Variants in NAV2 observed in about 807,000 individuals in gnomAD.
The protein encoded by NAV2 is neuron navigator 2.
In NAV2, 54 loss-of-function variants were observed where a neutral mutation model predicts 223.2. The ratio of observed to expected loss-of-function variants is 0.24; its 90% CI spans 0.19 to 0.30. NAV2 has a LOEUF of 0.30. Ranked by LOEUF, NAV2 falls within the 10% of genes least tolerant of loss-of-function variation. NAV2 has a pLI of 1.00. For synonymous variants in NAV2, 1,279 were observed against 1,239.3 expected (o/e 1.03, Z -0.67); for missense variants, 2,806 against 3,147.5 (o/e 0.89, Z 2.60).
intron 29 of NAV2, 107 bp from the exon 30 acceptor site, chr11:20,095,565 C>A: frequency 1.3e-6 from 1 of 742,630 alleles, no homozygotes; most frequent in Non-Finnish European, 2.4e-6. Context: ...GACTTTTATT[C>A]CCCTCTCAAA....
At chr11:19,684,830 C>G (rs1249135625) in intron 1 of NAV2, among the ~76,000 whole-genome samples, 1 of 152,244 alleles carries the variant, frequency 6.6e-6, no homozygotes, top group African/African-American at 2.4e-5. Context: ...TTCAAGAGTG[C>G]TCACATCCCT....
intron 1 of NAV2, among the ~76,000 whole-genome samples, chr11:19,369,972 G>T (rs1848417415): frequency 6.6e-6 from 1 of 152,196 alleles, no homozygotes; most frequent in African/African-American, 2.4e-5. Context: ...GAGCTAAGAA[G>T]TTTTCCTCTT....
At chr11:19,748,848 A>T (rs922230261) in intron 1 of NAV2, among the ~76,000 whole-genome samples, 2 of 152,260 alleles carry the variant, frequency 1.3e-5, no homozygotes, top group African/African-American at 4.8e-5. Flanking sequence ...TCCAAAACAG[A>T]TGATGCTGCT....
At chr11:19,633,498 C>T (rs905213742) in intron 1 of NAV2, among the ~76,000 whole-genome samples, 2 of 152,252 alleles carry the variant, frequency 1.3e-5, no homozygotes, top group African/African-American at 4.8e-5. Flanking sequence ...TGTGTTGGCT[C>T]CAGCCTGGCT....
chr11:19,868,735 T>C (rs1334952879), intron 3 of NAV2, among the ~76,000 whole-genome samples, 190 bp from the exon 4 acceptor site: 1 of 152,162 alleles, frequency 6.6e-6, no homozygotes, highest in Non-Finnish European at 1.5e-5. Flanking sequence ...ACCTCAACTT[T>C]TGGCACTATG....
chr11:20,078,213 T>A, intron 24 of NAV2, 109 bp downstream of exon 24: 1 of 807,576 alleles, frequency 1.2e-6, no homozygotes, highest in Non-Finnish European at 2.0e-6. Context: ...TCTGCGTAAT[T>A]CAGCTCCATG....
At chr11:20,084,528 G>T (rs1245009368) in intron 26 of NAV2, among the ~76,000 whole-genome samples, 1 of 152,178 alleles carries the variant, frequency 6.6e-6, no homozygotes, top group African/African-American at 2.4e-5. Context: ...CCACAGGGGT[G>T]TGTACTTCCT....
At chr11:19,724,175 C>T (rs1435347576) in intron 1 of NAV2, among the ~76,000 whole-genome samples, 1 of 152,146 alleles carries the variant, frequency 6.6e-6, no homozygotes, top group Non-Finnish European at 1.5e-5. Flanking sequence ...TGACTTGCCT[C>T]CAGTCACCCA....
At chr11:19,669,839 T>G (rs971580622) in intron 1 of NAV2, among the ~76,000 whole-genome samples, 4 of 152,214 alleles carry the variant, frequency 2.6e-5, no homozygotes, top group Non-Finnish European at 5.9e-5. Context: ...CATGGTGAGA[T>G]GGGGCTCCTT....
chr11:19,373,569 C>T (rs11605845), intron 1 of NAV2, among the ~76,000 whole-genome samples: 34,467 of 152,132 alleles, frequency 0.23, 4,676 homozygotes, highest in East Asian at 0.45. Context: ...ATCATCCAAA[C>T]TAGTCCCTCC....
intron 1 of NAV2, among the ~76,000 whole-genome samples, chr11:19,580,343 T>C (rs567262598): frequency 6.6e-6 from 1 of 152,212 alleles, no homozygotes; most frequent in African/African-American, 2.4e-5. Context: ...TCTTTTTTTT[T>C]TAATTTATGA....
intron 1 of NAV2, among the ~76,000 whole-genome samples, chr11:19,696,901 C>T (rs1030912702): frequency 1.3e-5 from 2 of 152,158 alleles, no homozygotes; most frequent in African/African-American, 4.8e-5. Context: ...TATGATTTTC[C>T]TCTTTAATCC....
intron 10 of NAV2, among the ~76,000 whole-genome samples, chr11:19,982,357 T>TC (rs1808202782): frequency 6.6e-6 from 1 of 152,036 alleles, no homozygotes; most frequent in African/African-American, 2.4e-5. Flanking sequence ...AACCTCCACC[T>TC]CCCGGGTTCA....
chr11:19,738,876 G>A (rs2052558472), intron 1 of NAV2, among the ~76,000 whole-genome samples: 1 of 152,184 alleles, frequency 6.6e-6, no homozygotes, highest in Non-Finnish European at 1.5e-5. Flanking sequence ...ATTAGCTTCT[G>A]TCCCCTGGTT....
At chr11:20,012,817 G>C (rs925270240) in intron 11 of NAV2, among the ~76,000 whole-genome samples, 3 of 152,086 alleles carry the variant, frequency 2.0e-5, no homozygotes, top group Non-Finnish European at 4.4e-5. Flanking sequence ...CAGTCTCAAG[G>C]CAAAAATCCA....
chr11:19,391,693 C>A (rs999502353), intron 1 of NAV2, among the ~76,000 whole-genome samples: 4 of 150,716 alleles, frequency 2.7e-5, no homozygotes, highest in Non-Finnish European at 5.9e-5. Context: ...GGGGGAGGGG[C>A]AGGAACTGGG....
At chr11:19,995,812 T>C (rs556860793) in intron 11 of NAV2, among the ~76,000 whole-genome samples, 1 of 152,248 alleles carries the variant, frequency 6.6e-6, no homozygotes, top group African/African-American at 2.4e-5. Flanking sequence ...AAATTCCAAG[T>C]AACTGAATTG....
At chr11:19,676,409 TA>T (rs2135846939) in intron 1 of NAV2, among the ~76,000 whole-genome samples, 1 of 152,280 alleles carries the variant, frequency 6.6e-6, no homozygotes, top group East Asian at 1.9e-4. Context: ...TCACTTTGAG[TA>T]TTTACAACCT....
At chr11:20,113,221 G>A (rs1302286265) in intron 36 of NAV2, among the ~76,000 whole-genome samples, 1 of 152,172 alleles carries the variant, frequency 6.6e-6, no homozygotes, top group East Asian at 1.9e-4. Flanking sequence ...ACGGATATTA[G>A]TACTTCCTCT....
Sources: allele counts gnomAD v4.1 joint callset (sites outside exome capture counted in the v4.1 genomes callset), GRCh38; gene constraint gnomAD v4.1.1; transcripts MANE v1.5; gene names NCBI Gene and HGNC (gene_info 2026-07-23, HGNC 2026-07-21).